KSR2: variants seen among roughly 807,000 people sequenced by gnomAD.
KSR2 encodes the protein kinase suppressor of ras 2.
In KSR2, 25 loss-of-function variants were observed where a neutral mutation model predicts 107.8. That is an observed-to-expected ratio of 0.23 (90% CI 0.17 to 0.32). The LOEUF (loss-of-function observed/expected upper bound fraction) is 0.32. Ranked by LOEUF, KSR2 falls within the 10% of genes least tolerant of loss-of-function variation. KSR2 has a pLI of 1.00. For synonymous variants in KSR2, 480 were observed against 507.0 expected (o/e 0.95, Z 0.71); for missense variants, 887 against 1,268.9 (o/e 0.70, Z 4.57).
intron 14 of KSR2, among the ~76,000 whole-genome samples, chr12:117,505,076 CAT>C (rs1873596317): frequency 6.6e-6 from 1 of 152,166 alleles, no homozygotes; most frequent in Non-Finnish European, 1.5e-5. Flanking sequence ...CTGCAAAAGA[CAT>C]GATTTAGTTC....
chr12:117,606,967 A>C (rs1881312899), intron 5 of KSR2, among the ~76,000 whole-genome samples: 1 of 151,940 alleles, frequency 6.6e-6, no homozygotes, highest in South Asian at 2.1e-4. Flanking sequence ...GCCCACGCAG[A>C]CTCCTGCTTG....
Position 117,524,875 on chromosome 12 carries a change from C to A in KSR2, c.2196G>T (p.Pro732=). Residue 732 remains proline, a synonymous_variant, in exon 14 of 20, where the codon CCG becomes CCT. Transcript: ENST00000339824. ...VVLFMGACMS[P]PHLAIITSLC... is the part of the protein sequence containing the mutation. ...ACCTGGTGATGATGGCCAGGTGAGG[C>A]GGGCTCATGCAGGCACCCATGAAAA... is the stretch of plus-strand genomic sequence containing the variant. 1.2e-6 allele frequency: 2 copies of A among 1,611,278 alleles called. No individual in the cohort carries two copies. Among genetic ancestry groups the A allele is most frequent in the African/African-American group, 1.3e-5 (1 of 75,008 alleles).
intron 5 of KSR2, among the ~76,000 whole-genome samples, chr12:117,625,187 C>T (rs1357672954): frequency 6.7e-6 from 1 of 150,090 alleles, no homozygotes; most frequent in Non-Finnish European, 1.5e-5. Context: ...AATTGAATAC[C>T]CTTTATTTCT....
intron 5 of KSR2, among the ~76,000 whole-genome samples, chr12:117,591,360 A>T (rs1476794344): frequency 6.6e-6 from 1 of 152,168 alleles, no homozygotes; most frequent in African/African-American, 2.4e-5. Flanking sequence ...GGGAAGGAAC[A>T]TGCTGATCCC....
chr12:117,525,791 T>C (rs867951828), intron 13 of KSR2, among the ~76,000 whole-genome samples: 6 of 152,228 alleles, frequency 3.9e-5, no homozygotes, highest in Admixed American at 6.5e-5. Context: ...CCAGGGAATT[T>C]GGAATTGATG....
At chr12:117,852,017 TTGTGTA>T (rs1350954061) in intron 3 of KSR2, among the ~76,000 whole-genome samples, 1 of 152,136 alleles carries the variant, frequency 6.6e-6, no homozygotes, top group Non-Finnish European at 1.5e-5. Flanking sequence ...CATGCTATAA[TTGTGTA>T]TGTGTATGTG....
intron 14 of KSR2, among the ~76,000 whole-genome samples, chr12:117,491,973 G>A (rs953932837): frequency 6.6e-6 from 1 of 152,222 alleles, no homozygotes; most frequent in Admixed American, 6.5e-5. Flanking sequence ...AGCAGAAAGT[G>A]TTTTAGTGGC....
intron 14 of KSR2, among the ~76,000 whole-genome samples, chr12:117,502,215 A>G (rs1284489188): frequency 6.6e-6 from 1 of 152,254 alleles, no homozygotes; most frequent in Non-Finnish European, 1.5e-5. Context: ...ATGCATGTGC[A>G]TGACTGTAGG....
At chr12:117,843,489 G>A (rs930609) in intron 3 of KSR2, among the ~76,000 whole-genome samples, 126,935 of 152,170 alleles carry the variant, frequency 0.83, 53,571 homozygotes, top group African/African-American at 0.95. Context: ...CATGGCACCC[G>A]TGTTTCCAGA....
intron 4 of KSR2, among the ~76,000 whole-genome samples, chr12:117,726,479 G>C (rs112772438): frequency 6.6e-6 from 1 of 152,166 alleles, no homozygotes; most frequent in East Asian, 1.9e-4. Flanking sequence ...CCCATTACTG[G>C]GGCCTGGGAA....
intron 7 of KSR2, among the ~76,000 whole-genome samples, chr12:117,559,041 AGGATGGAT>A (rs59506127): frequency 2.8e-4 from 41 of 145,458 alleles, no homozygotes; most frequent in Middle Eastern, 3.5e-3. Context: ...GATGGATGGA[AGGATGGAT>A]GGATGGATGG....
intron 3 of KSR2, among the ~76,000 whole-genome samples, chr12:117,840,545 A>G (rs1207045385): frequency 6.6e-6 from 1 of 152,034 alleles, no homozygotes; most frequent in Non-Finnish European, 1.5e-5. Flanking sequence ...ATTGGCATGC[A>G]CCACCATGCC....
intron 4 of KSR2, among the ~76,000 whole-genome samples, chr12:117,753,513 G>A (rs1171363400): frequency 6.6e-6 from 1 of 152,170 alleles, no homozygotes; most frequent in Admixed American, 6.5e-5. Flanking sequence ...TCCTTTGCAG[G>A]AACAGGGATG....
At chr12:117,731,447 G>A (rs1474685965) in intron 4 of KSR2, among the ~76,000 whole-genome samples, 21 of 137,158 alleles carry the variant, frequency 1.5e-4, no homozygotes, top group South Asian at 1.3e-3. Flanking sequence ...CCACCGCCCC[G>A]TCCGGGAGGT....
At chr12:117,839,675 G>C (rs1457061072) in intron 3 of KSR2, among the ~76,000 whole-genome samples, 1 of 152,168 alleles carries the variant, frequency 6.6e-6, no homozygotes, top group Non-Finnish European at 1.5e-5. Flanking sequence ...GATCGACACA[G>C]GTGCAATCAA....
chr12:117,497,496 C>T (rs1873101181), intron 14 of KSR2, among the ~76,000 whole-genome samples: 1 of 152,146 alleles, frequency 6.6e-6, no homozygotes, highest in Non-Finnish European at 1.5e-5. Context: ...AGGGCAGCAT[C>T]ATCATCCTGT....
intron 5 of KSR2, among the ~76,000 whole-genome samples, chr12:117,636,378 G>T (rs1883076574): frequency 6.6e-6 from 1 of 150,478 alleles, no homozygotes; most frequent in African/African-American, 2.4e-5. Flanking sequence ...TGTATATGGA[G>T]ATATATATAT....
intron 9 of KSR2, among the ~76,000 whole-genome samples, chr12:117,542,094 C>T (rs1876533802): frequency 6.6e-6 from 1 of 151,954 alleles, no homozygotes; most frequent in Non-Finnish European, 1.5e-5. Flanking sequence ...ACTATGTTGC[C>T]CAGGCTGGTT....
chr12:117,662,575 A>T (rs1884482339), intron 5 of KSR2, among the ~76,000 whole-genome samples: 1 of 152,154 alleles, frequency 6.6e-6, no homozygotes, highest in East Asian at 1.9e-4. Flanking sequence ...AGTAGGGATG[A>T]GCAGAGGGGC....
Sources: allele counts gnomAD v4.1 joint callset (sites outside exome capture counted in the v4.1 genomes callset), GRCh38; gene constraint gnomAD v4.1.1; transcripts MANE v1.5; gene names NCBI Gene and HGNC (gene_info 2026-07-23, HGNC 2026-07-21).